KCNC2: variants seen among roughly 807,000 people sequenced by gnomAD.
The protein encoded by KCNC2 is potassium voltage-gated channel subfamily C member 2.
A neutral mutation model predicts 44.5 loss-of-function variants in KCNC2; 21 were observed. The ratio of observed to expected loss-of-function variants is 0.47; its 90% CI spans 0.33 to 0.68. KCNC2 has a LOEUF of 0.68. KCNC2 is among the 30% of genes least tolerant of loss of function. KCNC2 has a pLI of 0.01. For synonymous variants in KCNC2, 391 were observed against 339.1 expected (o/e 1.15, Z -1.68); for missense variants, 589 against 826.2 (o/e 0.71, Z 3.52).
At chr12:75,043,375 A>T in intron 4 of KCNC2, 134 bp from the exon 5 acceptor site, 1 of 1,415,928 alleles carries the variant, frequency 7.1e-7, no homozygotes, top group Non-Finnish European at 9.2e-7. Context: ...TTTAATATTG[A>T]GACAATTTAT....
At chr12:75,156,689 G>A (rs997424564) in intron 2 of KCNC2, among the ~76,000 whole-genome samples, 5 of 151,790 alleles carry the variant, frequency 3.3e-5, no homozygotes, top group African/African-American at 1.2e-4. Flanking sequence ...TTAACCTAGT[G>A]TCTTTCACAC....
intron 2 of KCNC2, among the ~76,000 whole-genome samples, chr12:75,081,073 T>G (rs988257919): frequency 6.9e-6 from 1 of 144,160 alleles, no homozygotes; most frequent in Non-Finnish European, 1.6e-5. Context: ...TTCCTGTAAT[T>G]TATGTACTAT....
chr12:75,042,755 A>G lies in KCNC2; in HGVS notation c.*350T>C, dbSNP rs1041290751. ...TACAGTCACAAGAAATAAAGTTCCAATGAAGTGGTTGGCATTTGGAAGCAC... is the reference window on the plus strand; with the variant it reads ...TACAGTCACAAGAAATAAAGTTCCAGTGAAGTGGTTGGCATTTGGAAGCAC... On this transcript the variant is annotated 3_prime_UTR_variant, in exon 5 of 5. Coordinates refer to ENST00000549446, the MANE Select transcript of KCNC2 (RefSeq NM_139137.4). The G allele has an allele frequency of 3.1e-5, 36 of 1,149,312 alleles. No individual in the cohort carries two copies. Among genetic ancestry groups the G allele is most frequent in the Admixed American group, 1.3e-4 (3 of 22,646 alleles). The allele number at this position is 1,149,312 out of a possible 1,614,324, so 71.2% of individuals were successfully genotyped here. A position where few individuals can be genotyped will look rare whatever the true frequency, so the allele number is the denominator to read the frequency against.
At position 75,209,125 on chromosome 12, in the gene KCNC2, G is replaced by A. The variant is rs79987230; in HGVS notation, c.-20+82C>T. The A allele has an allele frequency of 3.8e-3, 586 of 152,506 alleles. 3 individuals are homozygous for A. Among genetic ancestry groups the A allele is most frequent in the Middle Eastern group, 0.01 (3 of 294 alleles). 9.4% of individuals were successfully genotyped at this position (152,506 alleles called of 1,614,324 possible). On this transcript the variant is annotated intron_variant, in intron 1 of 4. Transcript: ENST00000549446. Reference sequence around the variant, plus strand: ...CATTCCTATTGCGGAAAGGCGGAGCGGGGGGATGCTGGCCTGCAGGGTCAA... The same window carrying A: ...CATTCCTATTGCGGAAAGGCGGAGCAGGGGGATGCTGGCCTGCAGGGTCAA...
rs546413229 is a variant in KCNC2 at position 75,204,812 on chromosome 12, G to T, written c.687+2485C>A. Among the ~76,000 whole-genome samples, 48 of 152,172 alleles carry T rather than the reference G, an allele frequency of 3.2e-4. No individual in the cohort carries two copies. The South Asian group carries it at 5.2e-3, about 16-fold the overall frequency. On this transcript the variant is annotated intron_variant, in intron 2 of 4. Transcript: ENST00000549446. ...ACTTTTAAATAGAATGGTGACTTAT[G>T]ATTACTTTTTTTCAGCCAACCCCTA...
At chr12:75,067,598 T>C (rs1882964299) in intron 2 of KCNC2, among the ~76,000 whole-genome samples, 1 of 150,736 alleles carries the variant, frequency 6.6e-6, no homozygotes. Context: ...GACTCTCTTC[T>C]ACATGGCTTG....
chr12:75,069,641 A>T (rs566234575), intron 2 of KCNC2, among the ~76,000 whole-genome samples: 32 of 152,256 alleles, frequency 2.1e-4, no homozygotes, highest in African/African-American at 7.2e-4. Context: ...ACTATTTTGT[A>T]TTACCTTAAA....
intron 2 of KCNC2, among the ~76,000 whole-genome samples, chr12:75,148,858 C>G (rs538691288): frequency 1.3e-5 from 2 of 151,806 alleles, no homozygotes; most frequent in African/African-American, 4.8e-5. Flanking sequence ...TTATCTTTGC[C>G]TCAATTTCAG....
At chr12:75,199,988 G>T (rs1025459460) in intron 2 of KCNC2, among the ~76,000 whole-genome samples, 1 of 151,766 alleles carries the variant, frequency 6.6e-6, no homozygotes, top group African/African-American at 2.4e-5. Flanking sequence ...TATTTTTAAG[G>T]CTTTTTAGGA....
intron 2 of KCNC2, among the ~76,000 whole-genome samples, chr12:75,056,837 A>C (rs1881794025): frequency 6.6e-6 from 1 of 152,048 alleles, no homozygotes; most frequent in South Asian, 2.1e-4. Flanking sequence ...TCTCCAAGGA[A>C]TCATGTTAAG....
chr12:75,140,591 C>T (rs1198544998), intron 2 of KCNC2, among the ~76,000 whole-genome samples: 1 of 151,928 alleles, frequency 6.6e-6, no homozygotes, highest in African/African-American at 2.4e-5. Context: ...TAAAAAATAT[C>T]CTTCAAGGTT....
chr12:75,106,868 C>T (rs548921113), intron 2 of KCNC2, among the ~76,000 whole-genome samples: 9 of 152,290 alleles, frequency 5.9e-5, no homozygotes, highest in African/African-American at 2.2e-4. Flanking sequence ...AGATTTAACA[C>T]ATGTTAATAT....
intron 2 of KCNC2, among the ~76,000 whole-genome samples, chr12:75,155,442 A>C (rs1890689715): frequency 6.6e-6 from 1 of 151,864 alleles, no homozygotes; most frequent in Admixed American, 6.6e-5. Context: ...AAGAAGAAAA[A>C]TAAACTTGCA....
At position 75,084,290 on chromosome 12, in the gene KCNC2, T is replaced by TAGATGATAGATAGATAGATA. The variant is rs200893949; in HGVS notation, c.688-32974_688-32973insTATCTATCTATCTATCATCT. ...TAGATTAGATAGATAGATAGATAGA[T>TAGATGATAGATAGATAGATA]GATAGATAGATAGATAGATAGATAG... On this transcript the variant is annotated intron_variant, in intron 2 of 4. Coordinates refer to ENST00000549446, the MANE Select transcript of KCNC2 (RefSeq NM_139137.4). Among the ~76,000 whole-genome samples the TAGATGATAGATAGATAGATA allele has an allele frequency of 3.4e-3, 423 of 123,708 alleles. 1 individual carries two copies. The highest frequency in any genetic ancestry group is 4.5e-3 in the Admixed American group (55 of 12,096). 81.2% of individuals were successfully genotyped at this position (123,708 alleles called of 152,430 possible). A position where few individuals can be genotyped will look rare whatever the true frequency, so the allele number is the denominator to read the frequency against.
intron 2 of KCNC2, among the ~76,000 whole-genome samples, chr12:75,062,342 G>T (rs183238349): frequency 3.3e-5 from 5 of 152,164 alleles, no homozygotes; most frequent in Admixed American, 3.3e-4. Context: ...ATGCATACAT[G>T]CTAAACTCTG....
chr12:75,197,452 G>A (rs1198730587), intron 2 of KCNC2, among the ~76,000 whole-genome samples: 1 of 152,022 alleles, frequency 6.6e-6, no homozygotes, highest in Non-Finnish European at 1.5e-5. Context: ...TAACCAAAAT[G>A]TCATCTTTGT....
At chr12:75,172,197 C>T (rs916809034) in intron 2 of KCNC2, among the ~76,000 whole-genome samples, 3 of 151,724 alleles carry the variant, frequency 2.0e-5, no homozygotes, top group African/African-American at 7.3e-5. Context: ...AGTTGGAAGC[C>T]ATTATCCTCA....
intron 2 of KCNC2, among the ~76,000 whole-genome samples, chr12:75,118,638 C>T (rs1420683922): frequency 6.6e-6 from 1 of 152,164 alleles, no homozygotes; most frequent in East Asian, 1.9e-4. Flanking sequence ...AAAGGCTGGG[C>T]ATTAGAGGTC....
At chr12:75,123,705 C>T (rs985011602) in intron 2 of KCNC2, among the ~76,000 whole-genome samples, 2 of 152,156 alleles carry the variant, frequency 1.3e-5, no homozygotes, top group Admixed American at 1.3e-4. Flanking sequence ...ACTATCTTCT[C>T]TTCTTTAATT....
Sources: gnomAD v4.1 joint callset for allele counts (sites outside exome capture counted in the v4.1 genomes callset) on GRCh38, gnomAD v4.1.1 for gene constraint, MANE v1.5 for transcripts, NCBI Gene and HGNC (gene_info 2026-07-23, HGNC 2026-07-21) for gene names.